CORIN: variants seen among roughly 807,000 people sequenced by gnomAD.
The protein encoded by CORIN is atrial natriuretic peptide-converting enzyme.
A neutral mutation model predicts 125.3 loss-of-function variants in CORIN; 117 were observed. The ratio of observed to expected loss-of-function variants is 0.93; its 90% CI spans 0.80 to 1.09. The LOEUF is 1.09. Ranked by LOEUF, CORIN falls within the 50% of genes least tolerant of loss-of-function variation. CORIN has a pLI of 0.00. For missense variants in CORIN, 1,253 were observed against 1,306.7 expected, an observed-to-expected ratio of 0.96 and a Z score of 0.63; for synonymous variants, 450 against 466.4, an observed-to-expected ratio of 0.96 and a Z score of 0.45.
At chr4:47,822,078 C>T in intron 1 of CORIN, among the ~76,000 whole-genome samples, 1 of 152,100 alleles carries the variant, frequency 6.6e-6, no homozygotes, top group East Asian at 1.9e-4. Flanking sequence ...GAAAAAATGT[C>T]CATGACTACA....
chr4:47,679,151 C>T (rs1034609668), intron 8 of CORIN, among the ~76,000 whole-genome samples: 1 of 152,172 alleles, frequency 6.6e-6, no homozygotes, highest in Admixed American at 6.5e-5. Flanking sequence ...GAACATATCA[C>T]ATTAACTCTT....
At chr4:47,796,274 C>T (rs1731283846) in intron 2 of CORIN, among the ~76,000 whole-genome samples, 1 of 151,868 alleles carries the variant, frequency 6.6e-6, no homozygotes, top group African/African-American at 2.4e-5. Flanking sequence ...TATCATTTGG[C>T]CTTAAAAAAG....
intron 19 of CORIN, among the ~76,000 whole-genome samples, chr4:47,608,630 A>T (rs925375484): frequency 3.3e-5 from 5 of 152,170 alleles, no homozygotes; most frequent in African/African-American, 1.2e-4. Context: ...TTAGAGTCTA[A>T]TTTGCTTCAC....
Position 47,604,204 on chromosome 4 carries a change from C to T in CORIN, c.2541-536G>A, listed in dbSNP as rs1577728659. 2.0e-5 allele frequency among the ~76,000 whole-genome samples: 3 copies of T among 152,324 alleles called. No individual in the cohort carries two copies. The East Asian group carries it at 5.8e-4, about 29-fold the overall frequency. The stretch of plus-strand genomic sequence containing the variant: ...GTCGATTCCCACCTTAAAACACTTT[C>T]TTCACTTGGCTTCCAGGTCTTGCCA... On this transcript the variant is annotated intron_variant, in intron 19 of 21. Transcript: ENST00000273857.
At chr4:47,758,070 T>A (rs184067962) in intron 4 of CORIN, among the ~76,000 whole-genome samples, 9 of 151,630 alleles carry the variant, frequency 5.9e-5, no homozygotes, top group African/African-American at 2.2e-4. Context: ...CCTGCCACTA[T>A]GCCTGGCTAA....
intron 2 of CORIN, among the ~76,000 whole-genome samples, chr4:47,805,148 A>AAAAATAATAAT (rs796469224): frequency 3.1e-5 from 4 of 129,158 alleles, no homozygotes; most frequent in African/African-American, 1.2e-4. Flanking sequence ...AAAAAAAAAA[A>AAAAATAATAAT]AATAATAATA....
chr4:47,642,082 T>C, intron 15 of CORIN, 33 bp from the exon 16 acceptor site: 1 of 1,602,068 alleles, frequency 6.2e-7, no homozygotes, highest in South Asian at 1.1e-5. Context: ...AAACCCTAAT[T>C]AAAAACATTT....
intron 4 of CORIN, among the ~76,000 whole-genome samples, chr4:47,757,439 C>G (rs1212215748): frequency 2.6e-5 from 4 of 151,828 alleles, no homozygotes; most frequent in Non-Finnish European, 5.9e-5. Flanking sequence ...ACTAAAAATA[C>G]AAAAATTAGC....
intron 6 of CORIN, among the ~76,000 whole-genome samples, chr4:47,684,850 T>A (rs1322313528): frequency 6.6e-6 from 1 of 151,772 alleles, no homozygotes; most frequent in Non-Finnish European, 1.5e-5. Flanking sequence ...ATGAAAGACA[T>A]AAAAACACAT....
chr4:47,751,563 T>C (rs564568669), intron 4 of CORIN, among the ~76,000 whole-genome samples: 2 of 152,314 alleles, frequency 1.3e-5, no homozygotes, highest in East Asian at 3.9e-4. Flanking sequence ...CCCCACCTTG[T>C]TTACATGGCA....
rs371026155 is a variant in CORIN at position 47,598,771 on chromosome 4, T to C, written c.2946+1443A>G. On this transcript the variant is annotated intron_variant, in intron 21 of 21. Coordinates refer to ENST00000273857, the MANE Select transcript of CORIN (RefSeq NM_006587.4). ...TAGGGAAAATAAAGACACTGCCATA[T>C]GGGTTGATTGTGATAATTAAATGAG... Among the ~76,000 whole-genome samples the C allele has an allele frequency of 3.9e-5, 6 of 152,298 alleles. No individual in the cohort carries two copies. The East Asian group carries it at 7.7e-4, about 20-fold the overall frequency.
At chr4:47,758,083 T>G (rs981037443) in intron 4 of CORIN, among the ~76,000 whole-genome samples, 2 of 151,508 alleles carry the variant, frequency 1.3e-5, no homozygotes, top group Non-Finnish European at 2.9e-5. Context: ...CTGGCTAATT[T>G]TTTTGTATTT....
In CORIN at chr4:47,594,069, G is replaced by T. The variant is rs1210270490; in HGVS notation, c.*1652C>A. The stretch of plus-strand genomic sequence containing the variant: ...AAGTATAATATATATATTTCACTGA[G>T]CCTAAGTTGAGCAGGCTAAAAGTTG... On this transcript the variant is annotated 3_prime_UTR_variant, in exon 22 of 22. Transcript: ENST00000273857. 1 of 151,592 alleles carries T rather than the reference G, an allele frequency of 6.6e-6. No homozygotes were observed. The highest frequency in any genetic ancestry group is 1.5e-5 in the Non-Finnish European group (1 of 67,942). 9.4% of individuals were successfully genotyped at this position (151,592 alleles called of 1,614,324 possible). A position where few individuals can be genotyped will look rare whatever the true frequency, so the allele number is the denominator to read the frequency against.
At chr4:47,596,303 C>A (rs1245466841) in intron 21 of CORIN, among the ~76,000 whole-genome samples, 1 of 151,884 alleles carries the variant, frequency 6.6e-6, no homozygotes, top group Non-Finnish European at 1.5e-5. Flanking sequence ...AATAAAGATC[C>A]CCCCCACACA....
intron 9 of CORIN, 22 bp downstream of exon 9, chr4:47,677,892 AGGACCACCAGTAAAGGAATGTTCT>A: frequency 7.7e-7 from 1 of 1,302,830 alleles, no homozygotes; most frequent in Non-Finnish European, 1.1e-6. Context: ...TCCCAAGGAG[AGGACCACCAGTAAAGGAATGTTCT>A]GGGGTGGTGG....
intron 14 of CORIN, among the ~76,000 whole-genome samples, chr4:47,643,560 G>C (rs1263371201): frequency 6.6e-6 from 1 of 152,114 alleles, no homozygotes; most frequent in Non-Finnish European, 1.5e-5. Context: ...TCAGAGAACG[G>C]GGTTAAAATC....
chr4:47,654,197 A>G (rs1483441359), intron 12 of CORIN, among the ~76,000 whole-genome samples: 1 of 152,206 alleles, frequency 6.6e-6, no homozygotes, highest in Non-Finnish European at 1.5e-5. Flanking sequence ...AAACACCTGG[A>G]GTACTAATTA....
At chr4:47,798,957 T>C (rs1731411642) in intron 2 of CORIN, among the ~76,000 whole-genome samples, 1 of 152,168 alleles carries the variant, frequency 6.6e-6, no homozygotes, top group South Asian at 2.1e-4. Context: ...GAGCACTCAA[T>C]GTTTAGCTCC....
In CORIN at chr4:47,672,900, C is replaced by T. The variant is rs12640794; in HGVS notation, c.1357+1493G>A. Among the ~76,000 whole-genome samples, 290 of 152,142 alleles carry T rather than the reference C, an allele frequency of 1.9e-3. 7 individuals are homozygous for T. The East Asian group carries it at 0.052, about 27-fold the overall frequency. On this transcript the variant is annotated intron_variant, in intron 10 of 21. Coordinates refer to ENST00000273857, the MANE Select transcript of CORIN (RefSeq NM_006587.4). ...TGCCTGCCTACACCCCCTTCCCAGCCTCCTTTTTTCACCCCCTTGAGACTC... is the reference window on the plus strand; with the variant it reads ...TGCCTGCCTACACCCCCTTCCCAGCTTCCTTTTTTCACCCCCTTGAGACTC...
Sources: allele counts gnomAD v4.1 joint callset (sites outside exome capture counted in the v4.1 genomes callset), GRCh38; gene constraint gnomAD v4.1.1; transcripts MANE v1.5; gene names NCBI Gene and HGNC (gene_info 2026-07-23, HGNC 2026-07-21).